CLIP1: variants seen among roughly 807,000 people sequenced by gnomAD.
CLIP1 encodes CAP-Gly domain containing linker protein 1.
A neutral mutation model predicts 161.6 loss-of-function variants in CLIP1; 66 were observed. The observed-to-expected ratio is 0.41, with a 90% CI of 0.33 to 0.50. CLIP1 has a LOEUF of 0.50. Ranked by LOEUF, CLIP1 falls within the 20% of genes least tolerant of loss-of-function variation. The probability of loss-of-function intolerance (pLI) is 0.27; values close to 1 mark genes in which losing one functional copy is unlikely to be tolerated. For missense variants in CLIP1, 1,376 were observed against 1,702.0 expected, an observed-to-expected ratio of 0.81 and a Z score of 3.37; for synonymous variants, 598 against 626.2, an observed-to-expected ratio of 0.96 and a Z score of 0.67.
intron 10 of CLIP1, 152 bp downstream of exon 10, chr12:122,347,223 T>C (rs1343438909): frequency 3.8e-6 from 2 of 532,444 alleles, no homozygotes; most frequent in Non-Finnish European, 6.9e-6. Context: ...TTCCTACTCA[T>C]CAGTCTCAGC....
chr12:122,411,177 A>C (rs988344196), intron 1 of CLIP1, among the ~76,000 whole-genome samples: 2 of 152,192 alleles, frequency 1.3e-5, no homozygotes, highest in Non-Finnish European at 2.9e-5. Flanking sequence ...GCACTTTGGG[A>C]GGCTGAGGTG....
chr12:122,292,749 A>G (rs1311284454), intron 20 of CLIP1, among the ~76,000 whole-genome samples: 2 of 152,086 alleles, frequency 1.3e-5, no homozygotes, highest in Non-Finnish European at 2.9e-5. Context: ...CAAGCCTGTA[A>G]TCCCAGCACT....
chr12:122,378,089 G>A (rs1409841973), intron 2 of CLIP1, 129 bp from the exon 3 acceptor site: 3 of 791,464 alleles, frequency 3.8e-6, no homozygotes, highest in Admixed American at 2.8e-5. Flanking sequence ...GTTTTAAAGT[G>A]TGGTTTTTTG....
chr12:122,294,524 A>G (rs1290734569), intron 20 of CLIP1, among the ~76,000 whole-genome samples: 3 of 152,114 alleles, frequency 2.0e-5, no homozygotes, highest in Non-Finnish European at 4.4e-5. Flanking sequence ...GCACTCTGGG[A>G]GGCCAAGGCA....
chr12:122,290,487 GTTTATA>G (rs1447377153), intron 20 of CLIP1, among the ~76,000 whole-genome samples: 1 of 152,084 alleles, frequency 6.6e-6, no homozygotes, highest in Non-Finnish European at 1.5e-5. Flanking sequence ...CCTTTGTACA[GTTTATA>G]TTTATTCTTT....
intron 20 of CLIP1, among the ~76,000 whole-genome samples, chr12:122,308,086 C>T (rs1282835364): frequency 6.6e-6 from 1 of 152,170 alleles, no homozygotes; most frequent in South Asian, 2.1e-4. Context: ...CAAAAGAGAA[C>T]AGAGCTGCTA....
At chr12:122,406,931 A>G (rs1255307256) in intron 1 of CLIP1, among the ~76,000 whole-genome samples, 1 of 141,634 alleles carries the variant, frequency 7.1e-6, no homozygotes, top group Non-Finnish European at 1.5e-5. Flanking sequence ...TCCATCTGCA[A>G]AAAAAAAAAA....
intron 20 of CLIP1, among the ~76,000 whole-genome samples, chr12:122,307,943 C>T (rs1593029645): frequency 2.0e-5 from 3 of 152,176 alleles, no homozygotes; most frequent in Admixed American, 2.0e-4. Context: ...AAGAATCCAC[C>T]CATTCTTTAA....
intron 17 of CLIP1, among the ~76,000 whole-genome samples, chr12:122,325,095 A>C (rs1253678109): frequency 7.2e-6 from 1 of 138,644 alleles, no homozygotes; most frequent in Non-Finnish European, 1.5e-5. Flanking sequence ...CGCTCTATCT[A>C]TTGCCCAGGC....
intron 21 of CLIP1, among the ~76,000 whole-genome samples, 157 bp downstream of exon 21, chr12:122,288,332 G>A (rs180837347): frequency 1.3e-3 from 198 of 152,112 alleles, no homozygotes; most frequent in African/African-American, 4.4e-3. Context: ...CCCTGCAAAT[G>A]GATTTTCATA....
At chr12:122,331,092 G>T (rs972204275) in intron 15 of CLIP1, among the ~76,000 whole-genome samples, 1 of 151,140 alleles carries the variant, frequency 6.6e-6, no homozygotes, top group Non-Finnish European at 1.5e-5. Flanking sequence ...TCAGCTCACC[G>T]CAACCTCCAC....
intron 15 of CLIP1, among the ~76,000 whole-genome samples, chr12:122,329,601 GC>G (rs1416048105): frequency 1.3e-5 from 2 of 151,542 alleles, no homozygotes; most frequent in African/African-American, 2.4e-5. Context: ...CTGCACTCCA[GC>G]CTGGGCGACA....
intron 1 of CLIP1, among the ~76,000 whole-genome samples, chr12:122,385,694 G>A (rs1199351846): frequency 6.6e-6 from 1 of 152,146 alleles, no homozygotes; most frequent in Non-Finnish European, 1.5e-5. Flanking sequence ...GAAGTCAGTG[G>A]ATGTCGGCTG....
At chr12:122,357,355 C>T (rs538269952) in intron 5 of CLIP1, among the ~76,000 whole-genome samples, 2 of 150,356 alleles carry the variant, frequency 1.3e-5, no homozygotes, top group Admixed American at 6.6e-5. Context: ...GGAGACCCTC[C>T]GCCTGGCAAC....
intron 9 of CLIP1, among the ~76,000 whole-genome samples, chr12:122,349,903 GTTTT>G (rs66666037): frequency 1.4e-5 from 2 of 145,486 alleles, no homozygotes; most frequent in African/African-American, 5.0e-5. Flanking sequence ...TGTTTTTTTT[GTTTT>G]TTTTGTTTTT....
intron 9 of CLIP1, 150 bp from the exon 10 acceptor site, chr12:122,347,629 T>G (rs1952813014): frequency 3.2e-6 from 2 of 632,762 alleles, no homozygotes; most frequent in African/African-American, 1.8e-5. Flanking sequence ...GAGGTGGAGG[T>G]GAGATGAGGT....
rs142282409 is a variant in CLIP1, at chr12:122,341,294, G to T, written c.1910C>A (p.Ala637Glu). 2.5e-6 allele frequency: 4 copies of T among 1,613,640 alleles called. No homozygotes were observed. The highest frequency in any genetic ancestry group is 2.5e-6 in the Non-Finnish European group (3 of 1,179,826). ...LETAIASHQQ[A>E]MEELKVSFSK... Reference sequence around the variant, plus strand: ...GAAAGATACCTTCAGTTCTTCCATCGCCTGCTGGTGGGATGCGATGGCAGT... The same window carrying T: ...GAAAGATACCTTCAGTTCTTCCATCTCCTGCTGGTGGGATGCGATGGCAGT... Residue 637 changes from alanine to glutamate, a missense_variant, in exon 11 of 26, where the codon GCG becomes GAG. Coordinates refer to ENST00000620786, the MANE Select transcript of CLIP1 (RefSeq NM_001247997.2).
At position 122,341,331 on chromosome 12, in the gene CLIP1, A is replaced by C; in HGVS notation, c.1873T>G (p.Ser625Ala). The C allele has an allele frequency of 6.2e-7, 1 of 1,613,936 alleles. No homozygotes were observed. Among genetic ancestry groups the C allele is most frequent in the Non-Finnish European group, 8.5e-7 (1 of 1,179,974 alleles). Residue 625 changes from serine to alanine, a missense_variant, in exon 11 of 26, where the codon TCC (serine) becomes GCC (alanine). Coordinates refer to ENST00000620786, the MANE Select transcript of CLIP1 (RefSeq NM_001247997.2). ...ENSDVIALWK[S>A]KLETAIASHQ... The stretch of plus-strand genomic sequence containing the variant: ...GATGCGATGGCAGTCTCCAGTTTGG[A>C]CTTCCATAGAGCTATCACATCTGAG...
chr12:122,422,690 G>C (rs1957000691), upstream of CLIP1: 1 of 138,322 alleles, frequency 7.2e-6, no homozygotes, highest in Non-Finnish European at 1.6e-5. Flanking sequence ...GACGCCGCGC[G>C]GCTCCTCCCA....
Sources: allele counts gnomAD v4.1 joint callset (sites outside exome capture counted in the v4.1 genomes callset), GRCh38; gene constraint gnomAD v4.1.1; transcripts MANE v1.5; gene names NCBI Gene and HGNC (gene_info 2026-07-23, HGNC 2026-07-21).